The following INPP4B variants were observed in gnomAD, a reference collection of about 807,000 sequenced individuals.
INPP4B encodes the protein inositol polyphosphate-4-phosphatase type II B, also known as inositol polyphosphate 4-phosphatase type II.
A neutral mutation model predicts 122.5 loss-of-function variants in INPP4B; 55 were observed. The observed-to-expected ratio is 0.45, with a 90% CI of 0.36 to 0.56. The LOEUF is 0.56. Among genes scored for constraint, INPP4B ranks in the 20% least tolerant of loss-of-function variants. The pLI, the probability that INPP4B is intolerant of heterozygous loss-of-function variation, is 0.00. For missense variants in INPP4B, 1,000 were observed against 1,097.7 expected (o/e 0.91, Z 1.26); for synonymous variants, 403 against 388.7 (o/e 1.04, Z -0.43).
intron 2 of INPP4B, among the ~76,000 whole-genome samples, chr4:142,665,744 AC>A (rs1755932650): frequency 6.6e-6 from 1 of 152,126 alleles, no homozygotes; most frequent in Non-Finnish European, 1.5e-5. Context: ...ATAAAAAAGC[AC>A]CAAAAATAAC....
chr4:142,045,101 G>A (rs1405024300), intron 25 of INPP4B, among the ~76,000 whole-genome samples: 1 of 152,132 alleles, frequency 6.6e-6, no homozygotes, highest in African/African-American at 2.4e-5. Context: ...GCTGCTAAGT[G>A]TGTTTGAAGT....
At chr4:142,521,015 A>T (rs1481758766) in intron 2 of INPP4B, among the ~76,000 whole-genome samples, 1 of 151,966 alleles carries the variant, frequency 6.6e-6, no homozygotes, top group Non-Finnish European at 1.5e-5. Context: ...ACCTACATTA[A>T]GTATGATGAC....
intron 2 of INPP4B, among the ~76,000 whole-genome samples, chr4:142,619,386 C>A (rs1744398974): frequency 6.6e-6 from 1 of 151,940 alleles, no homozygotes; most frequent in Non-Finnish European, 1.5e-5. Context: ...TATATACATA[C>A]AATGGAATAT....
intron 17 of INPP4B, among the ~76,000 whole-genome samples, chr4:142,147,879 C>T (rs890948798): frequency 2.6e-5 from 4 of 152,080 alleles, no homozygotes; most frequent in Non-Finnish European, 5.9e-5. Flanking sequence ...GTAAAGGAAC[C>T]TCTGAACCAT....
intron 9 of INPP4B, among the ~76,000 whole-genome samples, chr4:142,277,160 C>T (rs993297638): frequency 4.1e-5 from 6 of 147,792 alleles, no homozygotes; most frequent in Non-Finnish European, 8.9e-5. Flanking sequence ...GTCCTTAGCC[C>T]ACTTTTTGAT....
intron 3 of INPP4B, among the ~76,000 whole-genome samples, chr4:142,446,737 G>A (rs1350662538): frequency 6.6e-6 from 1 of 152,150 alleles, no homozygotes; most frequent in Non-Finnish European, 1.5e-5. Context: ...TGAGAAAAGA[G>A]GAGTGAGTGG....
chr4:142,304,874 G>T (rs150920983), intron 9 of INPP4B, among the ~76,000 whole-genome samples: 150 of 152,208 alleles, frequency 9.9e-4, no homozygotes, highest in Admixed American at 9.0e-3. Flanking sequence ...AACGCTCTTA[G>T]TAATTAAAAT....
chr4:142,520,242 A>C lies in INPP4B; in HGVS notation c.-190-57516T>G, dbSNP rs189754992. ...ACAAATAGCAGCATAATTTTACCAA[A>C]TACAAAATGGTATAAAAGGTAATCA... is the stretch of plus-strand genomic sequence containing the variant. On this transcript the variant is annotated intron_variant, in intron 2 of 25. Coordinates refer to ENST00000262992, the MANE Select transcript of INPP4B (RefSeq NM_001101669.3). Among the ~76,000 whole-genome samples the C allele has an allele frequency of 7.2e-3, 1,095 of 152,140 alleles. 7 individuals carry two copies. The highest frequency in any genetic ancestry group is 0.013 in the South Asian group (64 of 4,832).
At chr4:142,434,321 G>A (rs532191447) in intron 3 of INPP4B, among the ~76,000 whole-genome samples, 18 of 152,332 alleles carry the variant, frequency 1.2e-4, no homozygotes, top group African/African-American at 4.1e-4. Context: ...GGTTCAGGGA[G>A]TGGTGCTCCT....
At chr4:142,270,565 T>G in intron 10 of INPP4B, 98 bp downstream of exon 10, 2 of 814,288 alleles carry the variant, frequency 2.5e-6, no homozygotes, top group South Asian at 1.5e-5. Flanking sequence ...GTTTTGATAA[T>G]GAGATTTCAA....
chr4:142,629,808 A>G (rs1420436485), intron 2 of INPP4B, among the ~76,000 whole-genome samples: 2 of 152,058 alleles, frequency 1.3e-5, no homozygotes, highest in Non-Finnish European at 2.9e-5. Context: ...CCTCTGCCCA[A>G]TTGCCCTTCA....
chr4:142,815,572 G>A (rs776943208), intron 1 of INPP4B, among the ~76,000 whole-genome samples: 8 of 151,826 alleles, frequency 5.3e-5, no homozygotes, highest in Admixed American at 1.3e-4. Context: ...TCTTTTAAAC[G>A]TAAGCTGTGA....
At chr4:142,111,315 C>G (rs1310372711) in intron 22 of INPP4B, among the ~76,000 whole-genome samples, 1 of 152,014 alleles carries the variant, frequency 6.6e-6, no homozygotes, top group Non-Finnish European at 1.5e-5. Context: ...ACTTCTTTCT[C>G]TAAAATATTT....
chr4:142,667,326 AT>A (rs895338232), intron 2 of INPP4B, among the ~76,000 whole-genome samples: 11 of 152,150 alleles, frequency 7.2e-5, no homozygotes, highest in African/African-American at 2.7e-4. Context: ...ATGACCTGAT[AT>A]CTACATATTG....
At chr4:142,531,537 T>C (rs1827620141) in intron 2 of INPP4B, among the ~76,000 whole-genome samples, 1 of 152,192 alleles carries the variant, frequency 6.6e-6, no homozygotes, top group African/African-American at 2.4e-5. Flanking sequence ...TTGTGTCGTC[T>C]ATGAGAAATA....
chr4:142,243,400 C>T (rs759327857), intron 11 of INPP4B, among the ~76,000 whole-genome samples: 5 of 152,094 alleles, frequency 3.3e-5, no homozygotes, highest in Non-Finnish European at 5.9e-5. Context: ...TATTAGCACA[C>T]AGTAATGAAA....
intron 25 of INPP4B, among the ~76,000 whole-genome samples, chr4:142,076,447 A>G (rs1001288492): frequency 3.3e-5 from 5 of 151,998 alleles, no homozygotes; most frequent in African/African-American, 1.2e-4. Context: ...ATCCCAAATA[A>G]GGTCAATTTT....
chr4:142,170,132 T>G (rs1239985086), intron 16 of INPP4B, among the ~76,000 whole-genome samples: 1 of 151,774 alleles, frequency 6.6e-6, no homozygotes, highest in Middle Eastern at 3.2e-3. Flanking sequence ...TAACTGTTCA[T>G]ACTGTATGTT....
chr4:142,240,050 T>A (rs1194290926), intron 11 of INPP4B, among the ~76,000 whole-genome samples: 1 of 151,506 alleles, frequency 6.6e-6, no homozygotes, highest in Non-Finnish European at 1.5e-5. Flanking sequence ...CGAATCCTTC[T>A]AATTTTTAGT....
Sources: gnomAD v4.1 joint callset for allele counts (sites outside exome capture counted in the v4.1 genomes callset) on GRCh38, gnomAD v4.1.1 for gene constraint, MANE v1.5 for transcripts, NCBI Gene and HGNC (gene_info 2026-07-23, HGNC 2026-07-21) for gene names.